The following CTDP1 variants were observed in gnomAD, a reference collection of about 807,000 sequenced individuals.
CTDP1 encodes CTD phosphatase 1.
Under a neutral mutation model 91.8 loss-of-function variants are expected in CTDP1, and 47 were observed. That is an observed-to-expected ratio of 0.51 (90% CI 0.41 to 0.65). CTDP1 has a LOEUF of 0.65. Ranked by LOEUF, CTDP1 falls within the 30% of genes least tolerant of loss-of-function variation. The pLI, the probability that CTDP1 is intolerant of heterozygous loss-of-function variation, is 0.00. For synonymous variants in CTDP1, 656 were observed against 598.5 expected, an observed-to-expected ratio of 1.10 and a Z score of -1.40; for missense variants, 1,272 against 1,373.7, an observed-to-expected ratio of 0.93 and a Z score of 1.17.
intron 10 of CTDP1, among the ~76,000 whole-genome samples, chr18:79,722,552 G>A (rs1039969273): frequency 5.9e-5 from 9 of 152,024 alleles, no homozygotes; most frequent in African/African-American, 1.5e-4. Flanking sequence ...GTTTGGTGGC[G>A]GGAAGCAGCG....
chr18:79,714,378 T>C (rs1283138630), intron 7 of CTDP1, 113 bp from the exon 8 acceptor site: 1 of 1,252,484 alleles, frequency 8.0e-7, no homozygotes, highest in East Asian at 2.5e-5. Context: ...CAAGGCCTGG[T>C]CTAGAGGGTG....
intron 10 of CTDP1, among the ~76,000 whole-genome samples, chr18:79,727,574 G>A (rs113877670): frequency 6.6e-6 from 1 of 152,320 alleles, no homozygotes; most frequent in African/African-American, 2.4e-5. Context: ...ACAAGGCTTG[G>A]GAAGTCCTGA....
At chr18:79,732,947 C>T (rs369757982) in intron 11 of CTDP1, among the ~76,000 whole-genome samples, 1 of 152,226 alleles carries the variant, frequency 6.6e-6, no homozygotes, top group Non-Finnish European at 1.5e-5. Context: ...CATGAGTGCT[C>T]CCAAAATCAC....
intron 12 of CTDP1, among the ~76,000 whole-genome samples, chr18:79,737,317 C>T (rs1369181794): frequency 1.3e-5 from 2 of 152,214 alleles, no homozygotes; most frequent in African/African-American, 2.4e-5. Flanking sequence ...CTGCTTGGTT[C>T]TGAATCTTGT....
intron 12 of CTDP1, chr18:79,749,717 G>C (rs1193339057): frequency 6.6e-6 from 1 of 152,250 alleles, no homozygotes; most frequent in Non-Finnish European, 1.5e-5. Context: ...TCTTCCAGGG[G>C]TTCGGGACAC....
At chr18:79,744,167 A>G (rs2086835199) in intron 12 of CTDP1, among the ~76,000 whole-genome samples, 2 of 152,150 alleles carry the variant, frequency 1.3e-5, no homozygotes, top group African/African-American at 4.8e-5. Context: ...ACCTTTCCAG[A>G]GTGAACCAGT....
At chr18:79,691,441 A>C (rs1232849709) in intron 1 of CTDP1, among the ~76,000 whole-genome samples, 1 of 152,058 alleles carries the variant, frequency 6.6e-6, no homozygotes, top group African/African-American at 2.4e-5. Context: ...GCGACGGGTC[A>C]CACAGCTTCC....
At chr18:79,704,736 T>A (rs751427502) in intron 4 of CTDP1, 31 bp from the exon 5 acceptor site, 2 of 1,612,316 alleles carry the variant, frequency 1.2e-6, no homozygotes, top group Admixed American at 3.3e-5. Flanking sequence ...CTCAGGCCTT[T>A]TCTCCCGACT....
Position 79,753,848 on chromosome 18 carries a change from C to T in CTDP1, c.*58C>T. 2 of 1,581,192 alleles carry T rather than the reference C, an allele frequency of 1.3e-6. No individual in the cohort carries two copies. The highest frequency in any genetic ancestry group is 1.7e-6 in the Non-Finnish European group (2 of 1,163,960). Reference sequence around the variant, plus strand: ...CGACCTCCAGCAGCACTCGGACGTCCCCGGACCAGCCCTCAGTCTCGGTCC... The same window carrying T: ...CGACCTCCAGCAGCACTCGGACGTCTCCGGACCAGCCCTCAGTCTCGGTCC... On this transcript the variant is annotated 3_prime_UTR_variant, in exon 13 of 13. Transcript: ENST00000613122.
intron 5 of CTDP1, among the ~76,000 whole-genome samples, chr18:79,705,473 T>C (rs2085948391): frequency 6.6e-6 from 1 of 152,032 alleles, no homozygotes; most frequent in South Asian, 2.1e-4. Context: ...CGCCACAGGA[T>C]GGTGACCGTC....
chr18:79,729,168 C>T (rs2086513897), intron 11 of CTDP1, 99 bp downstream of exon 11: 9 of 1,476,614 alleles, frequency 6.1e-6, no homozygotes, highest in South Asian at 5.7e-5. Flanking sequence ...ACCTGGAGGC[C>T]GAGCTAGAGT....
intron 4 of CTDP1, among the ~76,000 whole-genome samples, chr18:79,703,968 G>A (rs2085911402): frequency 6.6e-6 from 1 of 152,098 alleles, no homozygotes; most frequent in Non-Finnish European, 1.5e-5. Context: ...TAGCTATTGT[G>A]AGTAGTTAGT....
chr18:79,719,715 G>A (rs568753694), intron 10 of CTDP1, among the ~76,000 whole-genome samples: 5 of 150,648 alleles, frequency 3.3e-5, no homozygotes, highest in African/African-American at 7.3e-5. Flanking sequence ...TTAGGAAGGC[G>A]TCCTGGTGAT....
chr18:79,731,738 T>A (rs2086569681), intron 11 of CTDP1, among the ~76,000 whole-genome samples: 1 of 152,238 alleles, frequency 6.6e-6, no homozygotes, highest in African/African-American at 2.4e-5. Flanking sequence ...TGTAATTTTA[T>A]CTTAACCATT....
chr18:79,697,865 TG>T lies in CTDP1; in HGVS notation c.499del (p.Glu167AsnfsTer27). 1 of 1,614,222 alleles carries T rather than the reference TG, an allele frequency of 6.2e-7. No homozygotes were observed. The highest frequency in any genetic ancestry group is 8.5e-7 in the Non-Finnish European group (1 of 1,180,040). On this transcript the variant is annotated frameshift_variant, in exon 4 of 13. Transcript: ENST00000613122. LOFTEE classifies it high-confidence loss of function. ...TTGTTTCTTTTTAATTGTAGCAAGC[TG>T]AACAGCTGGGAAGAGAAGACCAGCA... ...PELMVSSEQAEQLGREDQQRL... is the reference protein window; with the variant it reads ...PELMVSSEQAXQLGREDQQRL...
intron 4 of CTDP1, among the ~76,000 whole-genome samples, chr18:79,700,306 TC>T (rs1201654730): frequency 6.6e-6 from 1 of 152,194 alleles, no homozygotes. Context: ...TGCAAGCTGG[TC>T]CTCTTGCACT....
intron 12 of CTDP1, among the ~76,000 whole-genome samples, chr18:79,742,176 A>AG (rs964890488): frequency 0.026 from 2,468 of 94,796 alleles, 46 homozygotes; most frequent in Non-Finnish European, 0.04. Flanking sequence ...AGGAAGCATG[A>AG]AGCATGAGAG....
At chr18:79,689,769 A>C (rs1779223100) in intron 1 of CTDP1, among the ~76,000 whole-genome samples, 1 of 152,208 alleles carries the variant, frequency 6.6e-6, no homozygotes, top group Non-Finnish European at 1.5e-5. Context: ...TGACGGAGCG[A>C]GACTCCGTCA....
intron 4 of CTDP1, among the ~76,000 whole-genome samples, chr18:79,704,437 GA>G (rs2085922421): frequency 6.6e-6 from 1 of 151,566 alleles, no homozygotes. Context: ...GTCCCGTGTG[GA>G]GGGGCGTGTA....
Sources: gnomAD v4.1 joint callset for allele counts (sites outside exome capture counted in the v4.1 genomes callset) on GRCh38, gnomAD v4.1.1 for gene constraint, MANE v1.5 for transcripts, NCBI Gene and HGNC (gene_info 2026-07-23, HGNC 2026-07-21) for gene names.